Variants in PHACTR2 observed in about 807,000 individuals in gnomAD.
The protein encoded by PHACTR2 is phosphatase and actin regulator 2.
A neutral mutation model predicts 76.0 loss-of-function variants in PHACTR2; 30 were observed. The observed-to-expected ratio is 0.39, with a 90% confidence interval of 0.30 to 0.54. The LOEUF is 0.54. PHACTR2 is among the 20% of genes least tolerant of loss of function. The pLI, the probability that PHACTR2 is intolerant of heterozygous loss-of-function variation, is 0.61. For missense variants in PHACTR2, 696 were observed against 781.1 expected (o/e 0.89, Z 1.30); for synonymous variants, 292 against 292.5 (o/e 1.00, Z 0.02).
At position 143,537,117 on chromosome 6, in the gene PHACTR2, G is replaced by T; in HGVS notation, c.127G>T (p.Gly43Trp). 2 of 301,160 alleles carry T rather than the reference G, an allele frequency of 6.6e-6. No homozygotes were observed. Among genetic ancestry groups the T allele is most frequent in the South Asian group, 3.9e-5 (1 of 25,366 alleles). The allele number at this position is 301,160 out of a possible 1,614,324, so 18.7% of individuals were successfully genotyped here. ...GGCGCCTGCCCTGCGCTGGCTTCCC[G>T]GGGACCCGAGCCCCCGCGGCCGCTC... The change falls in exon 1 of 12, where the codon GGG becomes TGG. Residue 43 changes from glycine to tryptophan, a missense_variant. Gly to Trp is a radical substitution (Grantham distance 184, BLOSUM62 -2). Transcript: ENST00000367584. This position sits in a 1 kb window ranked among gnomAD's most constrained non-coding sequence, Gnocchi z 4.4.
At position 143,585,472 on chromosome 6, in the gene PHACTR2, C is replaced by T. The variant is rs752129729; in HGVS notation, c.217+48265C>T. On this transcript the variant is annotated intron_variant, in intron 1 of 11. Transcript: ENST00000367584. The surrounding 1 kb of genome is among the most constrained non-coding windows in gnomAD (Gnocchi z 5.2). ...CTAGGAAACCAGGTTTGCAGTTAACCTAGGGCTTCAGGAGTAAGGAACTGG... is the reference window on the plus strand; with the variant it reads ...CTAGGAAACCAGGTTTGCAGTTAACTTAGGGCTTCAGGAGTAAGGAACTGG... Among the ~76,000 whole-genome samples the T allele has an allele frequency of 5.3e-5, 8 of 152,166 alleles. No individual in the cohort carries two copies. The highest frequency in any genetic ancestry group is 1.0e-4 in the Non-Finnish European group (7 of 68,030).
chr6:143,818,847 AG>A lies in PHACTR2; in HGVS notation c.1923-4824del, dbSNP rs1776357284. On this transcript the variant is annotated intron_variant, in intron 12 of 12. Coordinates refer to ENST00000440869, the MANE Select transcript of PHACTR2 (RefSeq NM_001100164.2). The surrounding 1 kb of genome is among the most constrained non-coding windows in gnomAD (Gnocchi z 4.9). ...ATTACAATTCAAGGTGAGGTTTCGG[AG>A]GGAACACAGCCAAACCATATCAATT... 6.6e-6 allele frequency among the ~76,000 whole-genome samples: 1 copy of A among 152,188 alleles called. No homozygotes were observed. The highest frequency in any genetic ancestry group is 1.9e-4 in the East Asian group (1 of 5,198).
At chr6:143,540,484 C>T (rs946264165) in intron 1 of PHACTR2, among the ~76,000 whole-genome samples, 1 of 152,140 alleles carries the variant, frequency 6.6e-6, no homozygotes, top group African/African-American at 2.4e-5. Context: ...CCCACTGCTG[C>T]AAACAGTCAG....
chr6:143,567,077 G>T (rs377636743), intron 1 of PHACTR2, among the ~76,000 whole-genome samples: 2 of 152,010 alleles, frequency 1.3e-5, no homozygotes, highest in South Asian at 4.1e-4. Flanking sequence ...TCTACACGTC[G>T]CGCTCCTTTC....
chr6:143,806,946 G>T lies in PHACTR2; in HGVS notation c.1846-111G>T. The T allele has an allele frequency of 1.7e-6, 1 of 573,698 alleles. No homozygotes were observed. The highest frequency in any genetic ancestry group is 2.3e-5 in the South Asian group (1 of 42,624). 35.5% of individuals were successfully genotyped at this position (573,698 alleles called of 1,614,324 possible). ...CACTCCAGCTTGGATGACAGAGCGA[G>T]ACTCTATCTCTTAAAAAAAAAAAAA... is the stretch of plus-strand genomic sequence containing the variant. On this transcript the variant is annotated intron_variant, in intron 11 of 12. Transcript: ENST00000440869. The surrounding 1 kb of genome is among the most constrained non-coding windows in gnomAD (Gnocchi z 5.8).
intron 1 of PHACTR2, among the ~76,000 whole-genome samples, chr6:143,600,678 T>C (rs529659778): frequency 6.6e-6 from 1 of 152,348 alleles, no homozygotes; most frequent in African/African-American, 2.4e-5. Context: ...AGGCAGTAAT[T>C]CTACCATGTT....
At chr6:143,735,960 T>C (rs1481421388) in intron 2 of PHACTR2, among the ~76,000 whole-genome samples, 2 of 152,196 alleles carry the variant, frequency 1.3e-5, no homozygotes, top group Admixed American at 6.5e-5. Context: ...GAAAAAGATA[T>C]GTGGGTATTA....
At chr6:143,630,619 G>T (rs1274973045) in intron 1 of PHACTR2, among the ~76,000 whole-genome samples, 3 of 152,132 alleles carry the variant, frequency 2.0e-5, no homozygotes, top group Non-Finnish European at 4.4e-5. Context: ...TAAAAATCAT[G>T]GTAATGAATT....
In PHACTR2 at chr6:143,647,291, T is replaced by C. The variant is rs1267714306; in HGVS notation, c.13+38969T>C. ...AGACTCTGAAAGCTAAAAAGCTTGC[T>C]AAAGTCACGTGGCTAATGAGTAATA... On this transcript the variant is annotated intron_variant, in intron 1 of 11. Transcript: ENST00000305766. This position sits in a 1 kb window ranked among gnomAD's most constrained non-coding sequence, Gnocchi z 4.2. Among the ~76,000 whole-genome samples the C allele has an allele frequency of 1.3e-5, 2 of 152,232 alleles. No individual in the cohort carries two copies.
chr6:143,776,770 C>T lies in PHACTR2; in HGVS notation c.1590-558C>T, dbSNP rs973953447. On this transcript the variant is annotated intron_variant, in intron 8 of 12. Coordinates refer to ENST00000440869, the MANE Select transcript of PHACTR2 (RefSeq NM_001100164.2). This position sits in a 1 kb window ranked among gnomAD's most constrained non-coding sequence, Gnocchi z 5.3. ...ATCTTAATATTACTGTCACATGACA[C>T]TCCCCAGGTAGGTGAGCGATCCAGT... Among the ~76,000 whole-genome samples, 4 of 152,212 alleles carry T rather than the reference C, an allele frequency of 2.6e-5. No individual in the cohort carries two copies. The highest frequency in any genetic ancestry group is 2.6e-4 in the Admixed American group (4 of 15,282).
rs1290991012 is a variant in PHACTR2 at position 143,639,812 on chromosome 6, A to G, written c.13+31490A>G. On this transcript the variant is annotated intron_variant, in intron 1 of 11. Coordinates refer to the PHACTR2 transcript ENST00000305766. This position sits in a 1 kb window ranked among gnomAD's most constrained non-coding sequence, Gnocchi z 5.0. Reference sequence around the variant, plus strand: ...AGTCACAAAAGAAGTTTTAAGAACCACTGAAGGGTGATTTGATTTGCATTA... The same window carrying G: ...AGTCACAAAAGAAGTTTTAAGAACCGCTGAAGGGTGATTTGATTTGCATTA... Among the ~76,000 whole-genome samples the G allele has an allele frequency of 1.3e-5, 2 of 152,240 alleles. No homozygotes were observed. The highest frequency in any genetic ancestry group is 4.8e-5 in the African/African-American group (2 of 41,468).
intron 1 of PHACTR2, among the ~76,000 whole-genome samples, chr6:143,542,720 G>C (rs1202182559): frequency 6.6e-6 from 1 of 152,112 alleles, no homozygotes; most frequent in Non-Finnish European, 1.5e-5. Context: ...TGTTTACCTG[G>C]GGAAAATTTC....
At chr6:143,655,931 G>A (rs547664029) in intron 1 of PHACTR2, among the ~76,000 whole-genome samples, 5 of 152,270 alleles carry the variant, frequency 3.3e-5, no homozygotes, top group South Asian at 4.1e-4. Flanking sequence ...GAAAACAGAC[G>A]GGCAGCAGAT....
At chr6:143,699,075 G>C (rs1777838891) in intron 1 of PHACTR2, among the ~76,000 whole-genome samples, 1 of 152,120 alleles carries the variant, frequency 6.6e-6, no homozygotes, top group African/African-American at 2.4e-5. Context: ...TCTGAGGTAG[G>C]TGCCGTCTGC....
At chr6:143,622,061 GTGTATGATT>G in intron 1 of PHACTR2, among the ~76,000 whole-genome samples, 1 of 152,340 alleles carries the variant, frequency 6.6e-6, no homozygotes, top group East Asian at 1.9e-4. Context: ...GCCTTGGGCA[GTGTATGATT>G]CACTTGTGTG....
chr6:143,542,618 G>A (rs1312258394), intron 1 of PHACTR2, among the ~76,000 whole-genome samples: 1 of 152,066 alleles, frequency 6.6e-6, no homozygotes, highest in East Asian at 1.9e-4. Context: ...TCCTTCATAG[G>A]TGTTTCCTCA....
chr6:143,601,730 T>C (rs1775816448), intron 1 of PHACTR2, among the ~76,000 whole-genome samples: 1 of 152,200 alleles, frequency 6.6e-6, no homozygotes, highest in African/African-American at 2.4e-5. Context: ...AGATGGTCCT[T>C]TGTTTTTGCT....
chr6:143,725,495 C>T (rs1422699659), intron 2 of PHACTR2, among the ~76,000 whole-genome samples: 3 of 151,058 alleles, frequency 2.0e-5, no homozygotes, highest in Admixed American at 2.0e-4. Context: ...CCACCGCGCC[C>T]GGCCTGTGCT....
At chr6:143,579,206 A>G (rs1021455835) in intron 1 of PHACTR2, among the ~76,000 whole-genome samples, 9 of 152,166 alleles carry the variant, frequency 5.9e-5, no homozygotes, top group African/African-American at 1.9e-4. Context: ...GACCTGCTCC[A>G]AAACTTATTT....
Sources: gnomAD v4.1 joint callset for allele counts (sites outside exome capture counted in the v4.1 genomes callset) on GRCh38, gnomAD v4.1.1 for gene constraint, Gnocchi (gnomAD v3.1) non-coding constraint, MANE v1.5 for transcripts, NCBI Gene and HGNC (gene_info 2026-07-23, HGNC 2026-07-21) for gene names.